OPRM1: variants seen among roughly 807,000 people sequenced by gnomAD.
OPRM1 encodes opioid receptor mu 1.
A neutral mutation model predicts 31.8 loss-of-function variants in OPRM1; 27 were observed. The observed-to-expected ratio is 0.85, with a 90% confidence interval of 0.63 to 1.17. The LOEUF (loss-of-function observed/expected upper bound fraction) is 1.17, where lower values mean the gene tolerates loss of function less well. OPRM1 is among the 50% of genes most tolerant of loss of function. The pLI, the probability that OPRM1 is intolerant of heterozygous loss-of-function variation, is 0.00. For missense variants in OPRM1, 536 were observed against 511.1 expected (o/e 1.05, Z -0.47); for synonymous variants, 196 against 189.9 (o/e 1.03, Z -0.26).
Position 154,107,809 on chromosome 6 carries a change from A to G in OPRM1, c.1165-10874A>G, listed in dbSNP as rs749372412. The stretch of plus-strand genomic sequence containing the variant: ...GGGTCGTCTTGAAAAGGGGGCTTAC[A>G]GGTGTTCCAAGCCCGTGTTTTATCC... On this transcript the variant is annotated intron_variant, in intron 3 of 3. Coordinates refer to ENST00000330432, the MANE Select transcript of OPRM1 (RefSeq NM_000914.5). 7 of 718,142 alleles carry G rather than the reference A, an allele frequency of 9.7e-6. No homozygotes were observed. In the East Asian group the frequency reaches 1.6e-4, roughly 17 times the overall value. The allele number at this position is 718,142 out of a possible 1,614,324, so 44.5% of individuals were successfully genotyped here.
In OPRM1 at chr6:154,168,613, TA is replaced by T. The variant is rs200369721; in HGVS notation, c.1164+77142del. ...TTAATTAATTAATTAATTTTATTAT[TA>T]TTTTTTTTGAGACGGAGTTTTACTG... On this transcript the variant is annotated intron_variant, in intron 3 of 3. Transcript: ENST00000337049. This position sits in a 1 kb window ranked among gnomAD's most constrained non-coding sequence, Gnocchi z 4.1. Among the ~76,000 whole-genome samples, 379 of 152,188 alleles carry T rather than the reference TA, an allele frequency of 2.5e-3. No homozygotes were observed. Among genetic ancestry groups the T allele is most frequent in the African/African-American group, 6.9e-3 (286 of 41,522 alleles).
At chr6:154,188,274 A>G (rs971268685) in intron 3 of OPRM1, among the ~76,000 whole-genome samples, 3 of 152,254 alleles carry the variant, frequency 2.0e-5, no homozygotes, top group African/African-American at 7.2e-5. Flanking sequence ...TATGAAATAT[A>G]TAGAACTAAA....
At chr6:154,222,967 C>T (rs1443994356) in intron 3 of OPRM1, 7 of 592,554 alleles carry the variant, frequency 1.2e-5, no homozygotes, top group Admixed American at 5.7e-5. Context: ...TTTTAAAATC[C>T]ATCTGCTCCA....
chr6:154,076,024 C>T (rs1787823944), intron 1 of OPRM1, among the ~76,000 whole-genome samples: 1 of 152,204 alleles, frequency 6.6e-6, no homozygotes, highest in Non-Finnish European at 1.5e-5. Flanking sequence ...TAAGGAGATG[C>T]TCGAAAAGGC....
At chr6:154,142,473 C>G (rs1252983291) in intron 3 of OPRM1, among the ~76,000 whole-genome samples, 2 of 152,086 alleles carry the variant, frequency 1.3e-5, no homozygotes, top group Non-Finnish European at 2.9e-5. Context: ...AGTAAACACA[C>G]TGTGTACTCT....
chr6:154,116,272 A>C (rs538787515), intron 3 of OPRM1, among the ~76,000 whole-genome samples: 2 of 152,224 alleles, frequency 1.3e-5, no homozygotes, highest in African/African-American at 2.4e-5. Context: ...ATGGGGTTTC[A>C]TGAGATTTTA....
At chr6:154,077,406 C>T (rs1788090331) in intron 1 of OPRM1, among the ~76,000 whole-genome samples, 1 of 151,546 alleles carries the variant, frequency 6.6e-6, no homozygotes, top group Non-Finnish European at 1.5e-5. Context: ...GCATGAGCCA[C>T]TATGCCCAGC....
intron 3 of OPRM1, among the ~76,000 whole-genome samples, chr6:154,151,422 G>A (rs1452591053): frequency 1.3e-5 from 2 of 152,204 alleles, no homozygotes; most frequent in South Asian, 2.1e-4. Flanking sequence ...AAGGGCAAAA[G>A]AGGGGCAGGG....
At position 154,115,125 on chromosome 6, in the gene OPRM1, C is replaced by T. The variant is rs142052460; in HGVS notation, c.1165-3558C>T. ...CTAGTGGATACAGTTACTTCCTTTCCTATTTTTTTGGTATCAAATCTGGGT... is the reference window on the plus strand; with the variant it reads ...CTAGTGGATACAGTTACTTCCTTTCTTATTTTTTTGGTATCAAATCTGGGT... On this transcript the variant is annotated intron_variant, in intron 3 of 3. Transcript: ENST00000330432. Among the ~76,000 whole-genome samples, 1,002 of 152,302 alleles carry T rather than the reference C, an allele frequency of 6.6e-3. 6 individuals are homozygous for T. Among genetic ancestry groups the T allele is most frequent in the African/African-American group, 0.023 (957 of 41,558 alleles).
intron 3 of OPRM1, among the ~76,000 whole-genome samples, chr6:154,205,319 A>G (rs189214053): frequency 3.8e-4 from 58 of 152,212 alleles, no homozygotes; most frequent in Non-Finnish European, 6.5e-4. Context: ...CATTGGCTAG[A>G]TGTGGAGGCT....
rs1334977858 is a variant in OPRM1 at position 154,127,046 on chromosome 6, T to C, written c.*8325T>C. On this transcript the variant is annotated 3_prime_UTR_variant, in exon 4 of 4. Transcript: ENST00000330432. ...ATTGCTTGAACTGGGGAGGCGGAAG[T>C]TGCAGTGAGCCAAGATCGCAGCATT... is the stretch of plus-strand genomic sequence containing the variant. Among the ~76,000 whole-genome samples, 2 of 151,248 alleles carry C rather than the reference T, an allele frequency of 1.3e-5. No homozygotes were observed. Among genetic ancestry groups the C allele is most frequent in the East Asian group, 3.9e-4 (2 of 5,124 alleles).
At chr6:154,232,928 A>G (rs955605296) in intron 3 of OPRM1, among the ~76,000 whole-genome samples, 3 of 152,026 alleles carry the variant, frequency 2.0e-5, no homozygotes, top group African/African-American at 7.2e-5. Context: ...AAAGAGAAGG[A>G]ATGACCCAGA....
At chr6:154,099,082 C>T (rs1793898663) in intron 3 of OPRM1, among the ~76,000 whole-genome samples, 1 of 151,996 alleles carries the variant, frequency 6.6e-6, no homozygotes, top group African/African-American at 2.4e-5. Context: ...GAGTTCAAGA[C>T]CAGCCTGGGC....
intron 1 of OPRM1, among the ~76,000 whole-genome samples, chr6:154,061,178 C>T (rs1784320814): frequency 6.6e-6 from 1 of 152,104 alleles, no homozygotes; most frequent in Non-Finnish European, 1.5e-5. Flanking sequence ...GAGACAAAAT[C>T]CTTGGCAAAA....
At chr6:154,219,239 G>A (rs756566521) in intron 3 of OPRM1, 2 of 152,214 alleles carry the variant, frequency 1.3e-5, no homozygotes, top group Non-Finnish European at 2.9e-5. Flanking sequence ...TACTGTGTAG[G>A]AGGAGAAATT....
In OPRM1 at chr6:154,186,565, T is replaced by TC. The variant is rs200524454; in HGVS notation, c.1165-60128_1165-60127insC. Among the ~76,000 whole-genome samples the TC allele has an allele frequency of 8.7e-5, 11 of 126,594 alleles. No individual in the cohort carries two copies. In the East Asian group the frequency reaches 6.0e-3, roughly 69 times the overall value. 83.1% of individuals were successfully genotyped at this position (126,594 alleles called of 152,430 possible). ...CAGCTCCTTTCTTTCTTTTTTTCTC[T>TC]TTTTTTTTTGAGACGGAGTCTCGCT... On this transcript the variant is annotated intron_variant, in intron 3 of 3. Coordinates refer to the OPRM1 transcript ENST00000337049.
At chr6:154,143,777 T>C (rs938809208) in intron 3 of OPRM1, among the ~76,000 whole-genome samples, 5 of 152,044 alleles carry the variant, frequency 3.3e-5, no homozygotes, top group African/African-American at 9.7e-5. Context: ...TCTGGAAAAA[T>C]GGAGTAGATA....
At chr6:154,166,722 G>A (rs1362441648) in intron 3 of OPRM1, among the ~76,000 whole-genome samples, 1 of 152,022 alleles carries the variant, frequency 6.6e-6, no homozygotes, top group Admixed American at 6.5e-5. Context: ...TAAGAGTCAG[G>A]AAATACTTGC....
intron 3 of OPRM1, among the ~76,000 whole-genome samples, chr6:154,152,339 GAAA>G (rs747268588): frequency 5.5e-3 from 198 of 36,190 alleles, no homozygotes; most frequent in Non-Finnish European, 8.4e-3. Context: ...AAGAAAGAAA[GAAA>G]GAAAGGAAAG....
Sources: gnomAD v4.1 joint callset for allele counts (sites outside exome capture counted in the v4.1 genomes callset) on GRCh38, gnomAD v4.1.1 for gene constraint, Gnocchi (gnomAD v3.1) non-coding constraint, MANE v1.5 for transcripts, NCBI Gene and HGNC (gene_info 2026-07-23, HGNC 2026-07-21) for gene names.